The following PAK2 variants were observed in gnomAD, a reference collection of about 807,000 sequenced individuals.
The protein encoded by PAK2 is p21 (RAC1) activated kinase 2, also known as serine/threonine-protein kinase PAK 2.
In PAK2, 21 loss-of-function variants were observed where a neutral mutation model predicts 65.9. That is an observed-to-expected ratio of 0.32 (90% CI 0.23 to 0.46). PAK2 has a LOEUF of 0.46. PAK2 is among the 20% of genes least tolerant of loss of function. The probability of loss-of-function intolerance (pLI) is 1.00; values close to 1 mark genes in which losing one functional copy is unlikely to be tolerated. For synonymous variants in PAK2, 204 were observed against 219.7 expected, an observed-to-expected ratio of 0.93 and a Z score of 0.63; for missense variants, 324 against 642.6, an observed-to-expected ratio of 0.50 and a Z score of 5.36.
chr3:196,782,365 T>A (rs960401791), intron 1 of PAK2, among the ~76,000 whole-genome samples: 6 of 152,148 alleles, frequency 3.9e-5, no homozygotes, highest in Non-Finnish European at 8.8e-5. Flanking sequence ...AATCCATTGA[T>A]TAGACCAGTA....
At chr3:196,825,219 G>A (rs889583097) in intron 13 of PAK2, among the ~76,000 whole-genome samples, 1 of 136,540 alleles carries the variant, frequency 7.3e-6, no homozygotes, top group Middle Eastern at 3.6e-3. Flanking sequence ...AATGGTGCAT[G>A]CCTGTACTCC....
At position 196,765,141 on chromosome 3, in the gene PAK2, G is replaced by T. The variant is rs534716654; in HGVS notation, c.-21-17485G>T. Among the ~76,000 whole-genome samples, 270 of 127,142 alleles carry T rather than the reference G, an allele frequency of 2.1e-3. 2 individuals carry two copies. Among genetic ancestry groups the T allele is most frequent in the African/African-American group, 7.7e-3 (259 of 33,760 alleles). The allele number at this position is 127,142 out of a possible 152,430, so 83.4% of individuals were successfully genotyped here. A position where few individuals can be genotyped will look rare whatever the true frequency, so the allele number is the denominator to read the frequency against. ...TTACAGGCATGAGCCACCGTGCCCG[G>T]CCTTTTTTTTTTTTTTTTTTTTTTG... is the stretch of plus-strand genomic sequence containing the variant. On this transcript the variant is annotated intron_variant, in intron 1 of 14. Transcript: ENST00000327134.
chr3:196,817,203 C>G (rs936674704), intron 11 of PAK2, among the ~76,000 whole-genome samples: 1 of 120,698 alleles, frequency 8.3e-6, no homozygotes, highest in Non-Finnish European at 1.6e-5. Context: ...CTTGCTCTGT[C>G]GCCCAGGCTG....
intron 1 of PAK2, among the ~76,000 whole-genome samples, chr3:196,752,036 C>A (rs1010369113): frequency 6.6e-6 from 1 of 152,030 alleles, no homozygotes; most frequent in Non-Finnish European, 1.5e-5. Context: ...AGCCACCACA[C>A]CCAGCCACAA....
At chr3:196,742,542 A>C (rs1713234897) in intron 1 of PAK2, among the ~76,000 whole-genome samples, 1 of 152,200 alleles carries the variant, frequency 6.6e-6, no homozygotes, top group Non-Finnish European at 1.5e-5. Flanking sequence ...TATCCATCAA[A>C]ATCGATTATT....
At chr3:196,780,684 T>C (rs548986856) in intron 1 of PAK2, among the ~76,000 whole-genome samples, 1 of 152,176 alleles carries the variant, frequency 6.6e-6, no homozygotes, top group Non-Finnish European at 1.5e-5. Context: ...AATGAAAAAA[T>C]AATCATTTTG....
chr3:196,815,925 G>T (rs1022699322), intron 11 of PAK2, among the ~76,000 whole-genome samples: 2 of 152,104 alleles, frequency 1.3e-5, no homozygotes, highest in African/African-American at 4.8e-5. Flanking sequence ...GAAGAAACCG[G>T]TTATTTCTTT....
chr3:196,786,302 AC>A (rs1714887601), intron 2 of PAK2, among the ~76,000 whole-genome samples: 1 of 151,772 alleles, frequency 6.6e-6, no homozygotes, highest in Non-Finnish European at 1.5e-5. Context: ...AGCTGGGATT[AC>A]AGGCGCCTGC....
intron 1 of PAK2, among the ~76,000 whole-genome samples, chr3:196,770,398 C>G (rs749511389): frequency 6.6e-6 from 1 of 151,716 alleles, no homozygotes; most frequent in African/African-American, 2.4e-5. Flanking sequence ...TACCTGTAGT[C>G]TCAGCACAGC....
chr3:196,751,667 T>TATATA (rs1560089766), intron 1 of PAK2, among the ~76,000 whole-genome samples: 8 of 45,090 alleles, frequency 1.8e-4, no homozygotes, highest in African/African-American at 7.0e-4. Flanking sequence ...ACAAATTTAT[T>TATATA]TATATACATA....
intron 1 of PAK2, among the ~76,000 whole-genome samples, chr3:196,779,673 G>T (rs955743888): frequency 2.0e-5 from 3 of 152,020 alleles, no homozygotes; most frequent in Non-Finnish European, 4.4e-5. Context: ...TGTTGTTGTT[G>T]TTTTTTGTTT....
At position 196,818,172 on chromosome 3, in the gene PAK2, AC is replaced by A; in HGVS notation, c.1153+17del. ...GTTAAGCTCAGTGAGTAACAAATGG[AC>A]AATTCACAATCATTTATTATAATTT... On this transcript the variant is annotated intron_variant, in intron 12 of 14. Transcript: ENST00000327134. 1 of 883,634 alleles carries A rather than the reference AC, an allele frequency of 1.1e-6. No individual in the cohort carries two copies. The highest frequency in any genetic ancestry group is 1.9e-6 in the Non-Finnish European group (1 of 528,786). 54.7% of individuals were successfully genotyped at this position (883,634 alleles called of 1,614,324 possible).
chr3:196,807,851 A>G lies in PAK2; in HGVS notation c.646A>G (p.Lys216Glu). 2 of 1,612,294 alleles carry G rather than the reference A, an allele frequency of 1.2e-6. No individual in the cohort carries two copies. Among genetic ancestry groups the G allele is most frequent in the Non-Finnish European group, 1.7e-6 (2 of 1,178,518 alleles). The change falls in exon 7 of 15, where the codon AAG becomes GAG. Residue 216 changes from lysine (K) to glutamate (E), a missense_variant. Physicochemically the swap from Lys to Glu is moderately conservative, Grantham distance 56 (BLOSUM62 1). This residue lies in a region of PAK2 where 183 missense variants were observed against 246.2 expected (regional missense o/e 0.74). Coordinates refer to ENST00000327134, the MANE Select transcript of PAK2 (RefSeq NM_002577.4). Reference sequence around the variant, plus strand: ...TGATTCACATGTTGATGGTGCTGCCAAGTCTTTAGACAAACAGAAAAAGAA... The same window carrying G: ...TGATTCACATGTTGATGGTGCTGCCGAGTCTTTAGACAAACAGAAAAAGAA... The part of the protein sequence containing the change: ...VGDSHVDGAA[K>E]SLDKQKKKTK...
Position 196,812,862 on chromosome 3 carries a change from C to T in PAK2, c.935+11C>T, listed in dbSNP as rs925518316. On this transcript the variant is annotated intron_variant, in intron 10 of 14. Transcript: ENST00000327134. Reference sequence around the variant, plus strand: ...TAACTTTTTGGACAGGTAAGTATGACTATTCCTTAAACACCGGGAGAAAAT... The same window carrying T: ...TAACTTTTTGGACAGGTAAGTATGATTATTCCTTAAACACCGGGAGAAAAT... 1 of 1,143,228 alleles carries T rather than the reference C, an allele frequency of 8.7e-7. No individual in the cohort carries two copies. The highest frequency in any genetic ancestry group is 1.3e-6 in the Non-Finnish European group (1 of 759,062). The allele number at this position is 1,143,228 out of a possible 1,614,324, so 70.8% of individuals were successfully genotyped here. A position where few individuals can be genotyped will look rare whatever the true frequency, so the allele number is the denominator to read the frequency against.
intron 4 of PAK2, among the ~76,000 whole-genome samples, 190 bp from the exon 5 acceptor site, chr3:196,805,162 A>G (rs1021756148): frequency 6.6e-6 from 1 of 151,946 alleles, no homozygotes; most frequent in Non-Finnish European, 1.5e-5. Flanking sequence ...TTTCATGTAG[A>G]TTTCAGATTT....
At chr3:196,796,059 A>G (rs1346073013) in intron 2 of PAK2, among the ~76,000 whole-genome samples, 2 of 152,212 alleles carry the variant, frequency 1.3e-5, no homozygotes, top group African/African-American at 2.4e-5. Context: ...ATGCGGTCCA[A>G]CGCGGCTGCT....
In PAK2 at chr3:196,759,489, G is replaced by GTTTTTTTTTTTTTTTT. The variant is rs1418582155; in HGVS notation, c.-22+19340_-22+19341insTTTTTTTTTTTTTTTT. Among the ~76,000 whole-genome samples the GTTTTTTTTTTTTTTTT allele has an allele frequency of 2.6e-4, 26 of 98,872 alleles. 1 individual carries two copies. Among genetic ancestry groups the GTTTTTTTTTTTTTTTT allele is most frequent in the Non-Finnish European group, 3.0e-4 (16 of 52,706 alleles). 64.9% of individuals were successfully genotyped at this position (98,872 alleles called of 152,430 possible). On this transcript the variant is annotated intron_variant, in intron 1 of 14. Coordinates refer to ENST00000327134, the MANE Select transcript of PAK2 (RefSeq NM_002577.4). ...ACCCTTTAAGGTATACAGTTAAGTG[G>GTTTTTTTTTTTTTTTT]TTTTTTTTGTTTTTTTTTTTTTTTT...
At chr3:196,785,700 A>T (rs1472686817) in intron 2 of PAK2, among the ~76,000 whole-genome samples, 1 of 152,250 alleles carries the variant, frequency 6.6e-6, no homozygotes, top group Admixed American at 6.5e-5. Context: ...TTTATACAAG[A>T]AAAAGGGTTT....
At position 196,812,783 on chromosome 3, in the gene PAK2, A is replaced by T; in HGVS notation, c.867A>T (p.Glu289Asp). Residue 289 changes from glutamate (E) to aspartate (D), a missense_variant, in exon 10 of 15, where the codon GAA becomes GAT. Glu to Asp is a conservative substitution (Grantham distance 45). Around this residue, in one of 5 missense-constraint regions of PAK2, gnomAD observed 183 missense variants for 246.2 expected, o/e 0.74. Transcript: ENST00000327134. ...QINLQKQPKK[E>D]LIINEILVMK... Reference sequence around the variant, plus strand: ...ATTTACAGAAACAGCCAAAGAAGGAACTGATCATTAACGAGATTCTGGTGA... The same window carrying T: ...ATTTACAGAAACAGCCAAAGAAGGATCTGATCATTAACGAGATTCTGGTGA... 6.3e-7 allele frequency: 1 copy of T among 1,576,976 alleles called. No homozygotes were observed. The highest frequency in any genetic ancestry group is 8.7e-7 in the Non-Finnish European group (1 of 1,146,656).
Sources: gnomAD v4.1 joint callset for allele counts (sites outside exome capture counted in the v4.1 genomes callset) on GRCh38, gnomAD v4.1.1 for gene constraint, gnomAD v4.1.1 regional missense constraint, MANE v1.5 for transcripts, NCBI Gene and HGNC (gene_info 2026-07-23, HGNC 2026-07-21) for gene names.